UHRF1: variants seen among roughly 807,000 people sequenced by gnomAD.
The protein encoded by UHRF1 is E3 ubiquitin-protein ligase UHRF1.
UHRF1 carries 9 observed loss-of-function variants against 96.5 expected under a neutral mutation model. The observed-to-expected ratio is 0.09, with a 90% CI of 0.06 to 0.16. The LOEUF (loss-of-function observed/expected upper bound fraction) is 0.16. Among genes scored for constraint, UHRF1 ranks in the 10% least tolerant of loss-of-function variants. UHRF1 has a pLI of 1.00. For synonymous variants in UHRF1, 455 were observed against 469.9 expected, an observed-to-expected ratio of 0.97 and a Z score of 0.41; for missense variants, 626 against 1,131.1, an observed-to-expected ratio of 0.55 and a Z score of 6.40.
rs71170880 is a variant in UHRF1, at chr19:4,938,730, G to GTTTTTTTTTTTTTT, written c.786-2780_786-2767dup. Among the ~76,000 whole-genome samples the GTTTTTTTTTTTTTT allele has an allele frequency of 1.6e-3, 101 of 61,584 alleles. 8 individuals carry two copies. The highest frequency in any genetic ancestry group is 3.6e-3 in the African/African-American group (51 of 14,070). The allele number at this position is 61,584 out of a possible 152,430, so 40.4% of individuals were successfully genotyped here. ...GGCATAAGAGTTTTGTTTTGGTCAG[G>GTTTTTTTTTTTTTT]TTTTTTTTTTTTTTTTTTTTTTTTT... On this transcript the variant is annotated intron_variant, in intron 5 of 16. Transcript: ENST00000650932.
Position 4,910,868 on chromosome 19 carries a change from C to T in UHRF1, c.-10-8C>T. 2 of 1,595,506 alleles carry T rather than the reference C, an allele frequency of 1.3e-6. No individual in the cohort carries two copies. Among genetic ancestry groups the T allele is most frequent in the African/African-American group, 1.3e-5 (1 of 74,314 alleles). ...ACTGATGGGGGTTTTTGCTGTCCCT[C>T]CCCTCAGCGCCGACACCATGTGGAT... is the stretch of plus-strand genomic sequence containing the variant. On this transcript the variant is annotated splice_region_variant and splice_polypyrimidine_tract_variant and intron_variant, in intron 1 of 16. Coordinates refer to ENST00000650932, the MANE Select transcript of UHRF1 (RefSeq NM_001048201.3).
chr19:4,953,806 A>G (rs2145211113), intron 13 of UHRF1, among the ~76,000 whole-genome samples: 1 of 152,246 alleles, frequency 6.6e-6, no homozygotes, highest in Non-Finnish European at 1.5e-5. Flanking sequence ...AGCATTTTGG[A>G]TGACTGAGGC....
In UHRF1 at chr19:4,929,810, AT is replaced by A. The variant is rs5826867; in HGVS notation, c.408+344del. 7.3e-3 allele frequency among the ~76,000 whole-genome samples: 1,078 copies of A among 147,594 alleles called. 11 individuals are homozygous for A. Among genetic ancestry groups the A allele is most frequent in the African/African-American group, 0.025 (1,024 of 40,238 alleles). ...GGGTTTCCAGCTTTTTTATTTTTTT[AT>A]TTTTTTTTTGGCAGGGTCTCACTTT... On this transcript the variant is annotated intron_variant, in intron 3 of 16. Coordinates refer to ENST00000650932, the MANE Select transcript of UHRF1 (RefSeq NM_001048201.3).
At chr19:4,946,360 T>G (rs987116402) in intron 10 of UHRF1, among the ~76,000 whole-genome samples, 3 of 152,170 alleles carry the variant, frequency 2.0e-5, no homozygotes, top group Non-Finnish European at 4.4e-5. Context: ...CGGATTCCCC[T>G]TTTGTTCACG....
chr19:4,904,539 T>A (rs1042517153), upstream of UHRF1, among the ~76,000 whole-genome samples: 1 of 152,016 alleles, frequency 6.6e-6, no homozygotes, highest in African/African-American at 2.4e-5. Flanking sequence ...GATCTTGAAC[T>A]CCTGACCTCA....
intron 11 of UHRF1, among the ~76,000 whole-genome samples, chr19:4,949,873 T>C (rs905681078): frequency 2.6e-5 from 4 of 151,698 alleles, no homozygotes; most frequent in Non-Finnish European, 5.9e-5. Context: ...GTGTGTGCTT[T>C]GTTTTGTTTT....
At chr19:4,959,386 T>C (rs197164) in intron 16 of UHRF1, among the ~76,000 whole-genome samples, 92 of 152,272 alleles carry the variant, frequency 6.0e-4, no homozygotes, top group African/African-American at 2.1e-3. Flanking sequence ...GACTGTGCTG[T>C]GGTCACCAGG....
At chr19:4,949,798 G>T (rs556627039) in intron 11 of UHRF1, among the ~76,000 whole-genome samples, 1 of 152,112 alleles carries the variant, frequency 6.6e-6, no homozygotes, top group Non-Finnish European at 1.5e-5. Flanking sequence ...TCATGCCATT[G>T]CATTCCAGCC....
chr19:4,942,654 G>A (rs2033442993), intron 7 of UHRF1, among the ~76,000 whole-genome samples: 1 of 151,986 alleles, frequency 6.6e-6, no homozygotes, highest in South Asian at 2.1e-4. Context: ...TCACCATCTT[G>A]GCCAGGCTGG....
In UHRF1 at chr19:4,954,485, G is replaced by T. The variant is rs1334155269; in HGVS notation, c.1954G>T (p.Ala652Ser). ...TGKGKWKRKS[A>S]GGGPSRAGSP... is the part of the protein sequence containing the mutation. ...CAAGGGCAAGTGGAAGCGGAAGTCG[G>T]CAGGTGAGAATCTCGTGGGTGTGGG... is the stretch of plus-strand genomic sequence containing the variant. Residue 652 changes from alanine (A) to serine (S), a missense_variant, in exon 14 of 17, where the codon GCA (alanine) becomes TCA (serine). Around this residue, in one of 11 missense-constraint regions of UHRF1, gnomAD observed 90 missense variants for 94.7 expected, o/e 0.95. Coordinates refer to ENST00000650932, the MANE Select transcript of UHRF1 (RefSeq NM_001048201.3). The surrounding 1 kb of genome is among the most constrained non-coding windows in gnomAD (Gnocchi z 5.9). 26 of 1,608,628 alleles carry T rather than the reference G, an allele frequency of 1.6e-5. No homozygotes were observed. The highest frequency in any genetic ancestry group is 2.0e-5 in the Non-Finnish European group (23 of 1,175,978).
At chr19:4,929,576 C>T (rs1424578373) in intron 3 of UHRF1, 100 bp downstream of exon 3, 7 of 1,491,332 alleles carry the variant, frequency 4.7e-6, no homozygotes, top group Admixed American at 4.5e-5. Context: ...CCACGCGCCT[C>T]TCTAGCTCTG....
rs150511546 is a variant in UHRF1, at chr19:4,953,114, C to A, written c.1819-1236C>A. ...CTCACATTAAATGCGCTTACCCCGA[C>A]CCTGCCAGGTGGAGCTTGGCCGATT... is the stretch of plus-strand genomic sequence containing the variant. On this transcript the variant is annotated intron_variant, in intron 13 of 16. Transcript: ENST00000650932. Among the ~76,000 whole-genome samples the A allele has an allele frequency of 2.0e-5, 3 of 152,272 alleles. No homozygotes were observed. The East Asian group carries it at 5.8e-4, about 29-fold the overall frequency.
intron 2 of UHRF1, among the ~76,000 whole-genome samples, chr19:4,928,256 T>G (rs1044496060): frequency 6.6e-6 from 1 of 151,556 alleles, no homozygotes; most frequent in South Asian, 2.1e-4. Flanking sequence ...GTCCAGGACC[T>G]GGCCCCAATG....
At chr19:4,934,323 T>C (rs1244659350) in intron 5 of UHRF1, among the ~76,000 whole-genome samples, 10 of 152,186 alleles carry the variant, frequency 6.6e-5, no homozygotes, top group African/African-American at 2.2e-4. Flanking sequence ...CATGAGCCAC[T>C]GCGCCCGGCC....
At chr19:4,914,562 G>A (rs2032416953) in intron 2 of UHRF1, among the ~76,000 whole-genome samples, 1 of 152,080 alleles carries the variant, frequency 6.6e-6, no homozygotes, top group African/African-American at 2.4e-5. Context: ...CACTTGATGG[G>A]CGGGAACGCA....
At chr19:4,943,512 C>T (rs1164596838) in intron 7 of UHRF1, among the ~76,000 whole-genome samples, 18 of 141,850 alleles carry the variant, frequency 1.3e-4, no homozygotes, top group African/African-American at 4.3e-4. Flanking sequence ...CTCCCCACAT[C>T]GTAGAGATGG....
intron 6 of UHRF1, 46 bp from the exon 7 acceptor site, chr19:4,941,699 G>A (rs2033407092): frequency 6.4e-7 from 1 of 1,563,628 alleles, no homozygotes; most frequent in Non-Finnish European, 8.7e-7. Flanking sequence ...CCCGTCTCTG[G>A]CTTGGCCGGG....
intron 4 of UHRF1, among the ~76,000 whole-genome samples, chr19:4,932,267 C>T (rs1840221): frequency 0.24 from 37,020 of 151,884 alleles, 4,779 homozygotes; most frequent in Middle Eastern, 0.37. Context: ...AGGGTTTCAC[C>T]GTGTTGGTCA....
rs376652375 is a variant in UHRF1 at position 4,917,149 on chromosome 19, A to G, written c.153+6111A>G. Among the ~76,000 whole-genome samples, 17 of 90,854 alleles carry G rather than the reference A, an allele frequency of 1.9e-4. 1 individual carries two copies. The highest frequency in any genetic ancestry group is 4.7e-4 in the African/African-American group (11 of 23,400). The allele number at this position is 90,854 out of a possible 152,430, so 59.6% of individuals were successfully genotyped here. ...TTTTTTTCTTTTTTATAGAGATGGG[A>G]TCTCGCTTTTTTCACCAGGCTGGTC... On this transcript the variant is annotated intron_variant, in intron 2 of 16. Transcript: ENST00000650932.
Sources: allele counts gnomAD v4.1 joint callset (sites outside exome capture counted in the v4.1 genomes callset), GRCh38; gene constraint gnomAD v4.1.1; regional missense constraint gnomAD v4.1.1; non-coding constraint Gnocchi (gnomAD v3.1); transcripts MANE v1.5; gene names NCBI Gene and HGNC (gene_info 2026-07-23, HGNC 2026-07-21).